Variants in ICA1 observed in about 807,000 individuals in gnomAD.
ICA1 encodes islet cell autoantigen 1.
In ICA1, 40 loss-of-function variants were observed where a neutral mutation model predicts 71.0. The ratio of observed to expected loss-of-function variants is 0.56; its 90% CI spans 0.44 to 0.73. The LOEUF is 0.73. ICA1 is among the 30% of genes least tolerant of loss of function. The pLI, the probability that ICA1 is intolerant of heterozygous loss-of-function variation, is 0.00. For synonymous variants in ICA1, 207 were observed against 209.5 expected (o/e 0.99, Z 0.10); for missense variants, 578 against 576.5 (o/e 1.00, Z -0.03).
At chr7:8,195,040 C>A (rs1786966912) in intron 6 of ICA1, among the ~76,000 whole-genome samples, 1 of 152,018 alleles carries the variant, frequency 6.6e-6, no homozygotes, top group Admixed American at 6.5e-5. Flanking sequence ...AAGAAAATAA[C>A]CTGGTTTAAA....
At position 8,221,282 on chromosome 7, in the gene ICA1, G is replaced by C. The variant is rs1212469022; in HGVS notation, c.373C>G (p.Gln125Glu). 1 of 1,613,494 alleles carries C rather than the reference G, an allele frequency of 6.2e-7. No individual in the cohort carries two copies. The change falls in exon 5 of 14, where the codon CAG (glutamine) becomes GAG (glutamate). Residue 125 changes from glutamine (Q) to glutamate (E), a missense_variant. Coordinates refer to ENST00000402384, the MANE Select transcript of ICA1 (RefSeq NM_001136020.3). Reference protein sequence around the residue: ...ATGKALCFSSQQRLALRNPLC... With the variant: ...ATGKALCFSSEQRLALRNPLC... ...CCACTAAAGGCCACACACCTTTGCTGGGAAGAAAAGCAGAGGGCCTTTCCT... is the reference window on the plus strand; with the variant it reads ...CCACTAAAGGCCACACACCTTTGCTCGGAAGAAAAGCAGAGGGCCTTTCCT...
At chr7:8,152,911 TCAC>T (rs1562706154) in intron 8 of ICA1, among the ~76,000 whole-genome samples, 17 of 105,220 alleles carry the variant, frequency 1.6e-4, no homozygotes, top group Admixed American at 6.4e-4. Context: ...ATCTCCTTCA[TCAC>T]CACTACCCCC....
chr7:8,194,567 T>C (rs1786774181), intron 6 of ICA1, among the ~76,000 whole-genome samples: 1 of 152,204 alleles, frequency 6.6e-6, no homozygotes. Flanking sequence ...GCTATAAAAA[T>C]GTTACTTCTT....
intron 6 of ICA1, among the ~76,000 whole-genome samples, chr7:8,192,447 T>C (rs984426138): frequency 1.3e-5 from 2 of 152,240 alleles, no homozygotes; most frequent in African/African-American, 4.8e-5. Context: ...TGGCACATGC[T>C]GTTGGTTAGT....
intron 13 of ICA1, among the ~76,000 whole-genome samples, chr7:8,122,245 C>T (rs1311018667): frequency 6.6e-6 from 1 of 152,134 alleles, no homozygotes; most frequent in African/African-American, 2.4e-5. Context: ...GGAAACAATG[C>T]CACGAAGACA....
chr7:8,118,716 C>A (rs115444866), intron 13 of ICA1, among the ~76,000 whole-genome samples: 5,105 of 152,262 alleles, frequency 0.034, 105 homozygotes, highest in Middle Eastern at 0.068. Context: ...TAACTGGTAA[C>A]TGTCACCCTT....
intron 12 of ICA1, among the ~76,000 whole-genome samples, chr7:8,129,631 T>C (rs1429489501): frequency 1.3e-5 from 2 of 152,200 alleles, no homozygotes; most frequent in Non-Finnish European, 2.9e-5. Flanking sequence ...AGAGCTAGCC[T>C]GTAGGTGTTG....
chr7:8,138,114 T>A (rs1175514409), intron 12 of ICA1, among the ~76,000 whole-genome samples: 1 of 152,192 alleles, frequency 6.6e-6, no homozygotes, highest in African/African-American at 2.4e-5. Flanking sequence ...GCTAAGGCTA[T>A]AATTAGGCTG....
At chr7:8,216,724 T>G (rs1795530863) in intron 6 of ICA1, among the ~76,000 whole-genome samples, 1 of 152,212 alleles carries the variant, frequency 6.6e-6, no homozygotes, top group Admixed American at 6.5e-5. Flanking sequence ...TGAAAGGCCT[T>G]TTTCAATTTT....
In ICA1 at chr7:8,197,590, A is replaced by C. The variant is rs1315945563; in HGVS notation, c.579+20715T>G. On this transcript the variant is annotated intron_variant, in intron 6 of 13. Coordinates refer to ENST00000402384, the MANE Select transcript of ICA1 (RefSeq NM_001136020.3). Reference sequence around the variant, plus strand: ...AGAAAGAAGAAATAATAATAATAATAATAATAATAATAATAATAATAATAA... The same window carrying C: ...AGAAAGAAGAAATAATAATAATAATCATAATAATAATAATAATAATAATAA... 2.8e-5 allele frequency among the ~76,000 whole-genome samples: 4 copies of C among 145,020 alleles called. No homozygotes were observed. In the East Asian group the frequency reaches 7.9e-4, roughly 29 times the overall value.
chr7:8,147,127 C>A (rs1343396447), intron 8 of ICA1, among the ~76,000 whole-genome samples: 1 of 152,088 alleles, frequency 6.6e-6, no homozygotes, highest in Non-Finnish European at 1.5e-5. Flanking sequence ...CTCAGCCGGC[C>A]CTGTCTAGCT....
At chr7:8,128,235 G>C (rs1790095021) in intron 12 of ICA1, 93 bp from the exon 13 acceptor site, 1 of 1,275,422 alleles carries the variant, frequency 7.8e-7, no homozygotes, top group Non-Finnish European at 1.1e-6. Context: ...GAGACTGGTT[G>C]ATGGCTAGAT....
intron 6 of ICA1, among the ~76,000 whole-genome samples, chr7:8,182,925 A>T (rs568982733): frequency 3.9e-5 from 6 of 152,188 alleles, no homozygotes; most frequent in Non-Finnish European, 5.9e-5. Flanking sequence ...TGCCTCCATC[A>T]CTAGTGTCTG....
intron 8 of ICA1, among the ~76,000 whole-genome samples, chr7:8,145,191 T>C (rs1796459376): frequency 6.6e-6 from 1 of 152,210 alleles, no homozygotes; most frequent in Non-Finnish European, 1.5e-5. Flanking sequence ...AGCGTATTTC[T>C]TTATTGTAAG....
intron 13 of ICA1, among the ~76,000 whole-genome samples, chr7:8,121,263 C>A (rs181370550): frequency 1.8e-4 from 27 of 152,258 alleles, no homozygotes; most frequent in East Asian, 5.8e-4. Context: ...TCCTCTCCCC[C>A]ACTTCTTGCC....
At chr7:8,204,991 G>A (rs965989405) in intron 6 of ICA1, among the ~76,000 whole-genome samples, 5 of 151,236 alleles carry the variant, frequency 3.3e-5, no homozygotes, top group Non-Finnish European at 5.9e-5. Context: ...ATAAGGAAGA[G>A]GGAGTCTAAC....
At chr7:8,261,355 C>A (rs773457700) in intron 1 of ICA1, among the ~76,000 whole-genome samples, 1 of 152,180 alleles carries the variant, frequency 6.6e-6, no homozygotes, top group African/African-American at 2.4e-5. Context: ...GCAGACATAA[C>A]AACAGGATAT....
intron 6 of ICA1, among the ~76,000 whole-genome samples, chr7:8,197,538 T>C (rs1418181516): frequency 9.1e-6 from 1 of 109,934 alleles, no homozygotes; most frequent in Non-Finnish European, 1.9e-5. Context: ...AGAGTGGGAC[T>C]TCGTCTCAGA....
chr7:8,225,808 AGAGT>A (rs1353968945), intron 4 of ICA1, among the ~76,000 whole-genome samples: 1 of 152,230 alleles, frequency 6.6e-6, no homozygotes, highest in Admixed American at 6.5e-5. Context: ...TCTAAAGTAC[AGAGT>A]GAGAAACCTG....
Sources: allele counts gnomAD v4.1 joint callset (sites outside exome capture counted in the v4.1 genomes callset), GRCh38; gene constraint gnomAD v4.1.1; transcripts MANE v1.5; gene names NCBI Gene and HGNC (gene_info 2026-07-23, HGNC 2026-07-21).